Variants in RORB observed in about 807,000 individuals in gnomAD.
RORB encodes RAR related orphan receptor B, also known as nuclear receptor ROR-beta.
A neutral mutation model predicts 59.1 loss-of-function variants in RORB; 6 were observed. That is an observed-to-expected ratio of 0.10 (90% CI 0.06 to 0.20). The LOEUF is 0.20. RORB is among the 10% of genes least tolerant of loss of function. The pLI, the probability that RORB is intolerant of heterozygous loss-of-function variation, is 1.00. For synonymous variants in RORB, 215 were observed against 204.5 expected (o/e 1.05, Z -0.44); for missense variants, 320 against 560.5 (o/e 0.57, Z 4.33).
intron 1 of RORB, among the ~76,000 whole-genome samples, chr9:74,556,692 C>G (rs1242198418): frequency 6.6e-6 from 1 of 152,110 alleles, no homozygotes; most frequent in Non-Finnish European, 1.5e-5. Flanking sequence ...AAAAAATTCA[C>G]CAGGAAAGTC....
At chr9:74,581,916 T>C (rs1029823154) in intron 1 of RORB, among the ~76,000 whole-genome samples, 2 of 152,030 alleles carry the variant, frequency 1.3e-5, no homozygotes, top group African/African-American at 4.8e-5. Context: ...GATGATTATT[T>C]TACATTCTAA....
rs1233532434 is a variant in RORB, at chr9:74,687,561, A to C, written c.*1943A>C. On this transcript the variant is annotated 3_prime_UTR_variant, in exon 10 of 10. Transcript: ENST00000376896. The stretch of plus-strand genomic sequence containing the variant: ...AAACAAAAAGGCTTTAAAATAATGA[A>C]TCTGTTTCTCAACTACTGTTATATT... 6 of 152,190 alleles carry C rather than the reference A, an allele frequency of 3.9e-5. No homozygotes were observed. In the East Asian group the frequency reaches 1.2e-3, roughly 29 times the overall value. 9.4% of individuals were successfully genotyped at this position (152,190 alleles called of 1,614,324 possible). A position where few individuals can be genotyped will look rare whatever the true frequency, so the allele number is the denominator to read the frequency against.
At chr9:74,573,848 G>C (rs1437978072) in intron 1 of RORB, among the ~76,000 whole-genome samples, 2 of 152,160 alleles carry the variant, frequency 1.3e-5, no homozygotes, top group African/African-American at 4.8e-5. Flanking sequence ...TAAAACCACT[G>C]TGGAGCACAT....
intron 1 of RORB, among the ~76,000 whole-genome samples, chr9:74,545,208 A>G: frequency 6.6e-6 from 1 of 151,810 alleles, no homozygotes; most frequent in Non-Finnish European, 1.5e-5. Context: ...TCATGGCTTA[A>G]TTTACTCACA....
At chr9:74,671,712 A>G (rs2118545330) in intron 8 of RORB, 77 bp from the exon 9 acceptor site, 1 of 777,426 alleles carries the variant, frequency 1.3e-6, no homozygotes, top group East Asian at 2.6e-5. Context: ...ATGGGTCTGA[A>G]GCTTGGCACT....
At position 74,667,026 on chromosome 9, in the gene RORB, C is replaced by T. The variant is rs139290778; in HGVS notation, c.1001-765C>T. Among the ~76,000 whole-genome samples, 1,277 of 152,256 alleles carry T rather than the reference C, an allele frequency of 8.4e-3. 13 individuals are homozygous for T. Among genetic ancestry groups the T allele is most frequent in the African/African-American group, 0.029 (1,224 of 41,536 alleles). ...GTCCATCGGGGCTGGCAATGTTTCC[C>T]TTCTACAGTTGATACACATCCATGT... On this transcript the variant is annotated intron_variant, in intron 7 of 9. Coordinates refer to ENST00000376896, the MANE Select transcript of RORB (RefSeq NM_006914.4).
At chr9:74,630,191 T>A in intron 1 of RORB, 91 bp from the exon 2 acceptor site, 1 of 1,510,606 alleles carries the variant, frequency 6.6e-7, no homozygotes, top group Non-Finnish European at 8.9e-7. Flanking sequence ...AATACAAACA[T>A]CAAGGCAGAG....
chr9:74,657,970 C>T (rs1201305270), intron 4 of RORB, among the ~76,000 whole-genome samples: 1 of 131,754 alleles, frequency 7.6e-6, no homozygotes, highest in East Asian at 2.5e-4. Context: ...GTGCCACTGC[C>T]ATCCAGCCGG....
At chr9:74,511,656 T>C (rs1211480684) in intron 1 of RORB, among the ~76,000 whole-genome samples, 2 of 150,790 alleles carry the variant, frequency 1.3e-5, no homozygotes, top group African/African-American at 2.4e-5. Context: ...TCAGTTACTC[T>C]GGCATAGTAA....
intron 1 of RORB, among the ~76,000 whole-genome samples, chr9:74,519,258 G>A (rs1466397649): frequency 6.6e-6 from 1 of 152,036 alleles, no homozygotes; most frequent in African/African-American, 2.4e-5. Flanking sequence ...ATTTTGCTGA[G>A]GGCTAGTTGG....
chr9:74,498,186 G>A, intron 1 of RORB: 1 of 635,452 alleles, frequency 1.6e-6, no homozygotes. Flanking sequence ...GGGAGTTCTG[G>A]AGGGACGCGG....
Position 74,685,457 on chromosome 9 carries a change from C to G in RORB, c.1225-6C>G. The G allele has an allele frequency of 6.2e-7, 1 of 1,605,404 alleles. No homozygotes were observed. Among genetic ancestry groups the G allele is most frequent in the Non-Finnish European group, 8.5e-7 (1 of 1,174,180 alleles). ...CTATCTCCCTCTCTGTCTCTCCGTT[C>G]TGCAGTTAATAGCCAAGATACCAAC... is the stretch of plus-strand genomic sequence containing the variant. On this transcript the variant is annotated splice_polypyrimidine_tract_variant and splice_region_variant and intron_variant, in intron 9 of 9. Coordinates refer to ENST00000376896, the MANE Select transcript of RORB (RefSeq NM_006914.4).
chr9:74,543,499 A>G (rs1826444259), intron 1 of RORB, among the ~76,000 whole-genome samples: 1 of 152,188 alleles, frequency 6.6e-6, no homozygotes, highest in Non-Finnish European at 1.5e-5. Flanking sequence ...TTTGTGCCAG[A>G]CACTATTCTA....
At chr9:74,579,643 C>A (rs78438857) in intron 1 of RORB, among the ~76,000 whole-genome samples, 92 of 152,158 alleles carry the variant, frequency 6.0e-4, no homozygotes, top group African/African-American at 1.8e-3. Context: ...CTTGAGAAAC[C>A]CTTTCATTGA....
intron 9 of RORB, among the ~76,000 whole-genome samples, chr9:74,676,498 A>G (rs1271196691): frequency 6.6e-6 from 1 of 152,256 alleles, no homozygotes; most frequent in Non-Finnish European, 1.5e-5. Context: ...ACTAACACTC[A>G]GCGAGTACCA....
At chr9:74,548,541 T>C (rs1826539438) in intron 1 of RORB, among the ~76,000 whole-genome samples, 1 of 152,232 alleles carries the variant, frequency 6.6e-6, no homozygotes, top group Non-Finnish European at 1.5e-5. Flanking sequence ...TTTTGCAATT[T>C]ACTTTTTCAG....
At chr9:74,678,383 ACTT>A (rs1824483783) in intron 9 of RORB, among the ~76,000 whole-genome samples, 1 of 152,190 alleles carries the variant, frequency 6.6e-6, no homozygotes, top group African/African-American at 2.4e-5. Context: ...AGATTCACTA[ACTT>A]CTTAATTCCT....
Position 74,660,743 on chromosome 9 carries a change from T to C in RORB, c.759+5T>C. ...ATTAAAGCATATCAAAGCAAGGTAC[T>C]CTGGGAAACCATGAGAAAGTTTTTC... On this transcript the variant is annotated splice_donor_5th_base_variant and intron_variant, in intron 5 of 9. Transcript: ENST00000376896. The C allele has an allele frequency of 6.2e-7, 1 of 1,608,488 alleles. No homozygotes were observed. The highest frequency in any genetic ancestry group is 8.5e-7 in the Non-Finnish European group (1 of 1,178,452).
intron 1 of RORB, among the ~76,000 whole-genome samples, chr9:74,584,510 A>T (rs563500910): frequency 6.6e-6 from 1 of 152,272 alleles, no homozygotes; most frequent in South Asian, 2.1e-4. Flanking sequence ...TTAGTTTCTT[A>T]TTATTTCTGC....
Sources: allele counts gnomAD v4.1 joint callset (sites outside exome capture counted in the v4.1 genomes callset), GRCh38; gene constraint gnomAD v4.1.1; transcripts MANE v1.5; gene names NCBI Gene and HGNC (gene_info 2026-07-23, HGNC 2026-07-21).